Variants in UBXN11 observed in about 807,000 individuals in gnomAD.
The protein encoded by UBXN11 is UBX domain protein 11, also known as UBX domain-containing protein 11.
A neutral mutation model predicts 62.8 loss-of-function variants in UBXN11; 47 were observed. The observed-to-expected ratio is 0.75, with a 90% CI of 0.59 to 0.95. The LOEUF (loss-of-function observed/expected upper bound fraction) is 0.95, where lower values mean the gene tolerates loss of function less well. Among genes scored for constraint, UBXN11 ranks in the 40% least tolerant of loss-of-function variants. The pLI is 0.00. For missense variants in UBXN11, 638 were observed against 661.7 expected (o/e 0.96, Z 0.39); for synonymous variants, 294 against 267.0 (o/e 1.10, Z -0.99).
chr1:26,313,782 C>CTTTTTTTTTTT (rs56037016), intron 1 of UBXN11, among the ~76,000 whole-genome samples: 1 of 125,904 alleles, frequency 7.9e-6, no homozygotes. Context: ...AATTTTTTTT[C>CTTTTTTTTTTT]TTTTTTTTTT....
Position 26,282,482 on chromosome 1 carries a change from G to C in UBXN11, c.1380C>G (p.Gly460=), listed in dbSNP as rs370381934. The change falls in exon 15 of 15, where the codon GGC becomes GGG. Residue 460 remains glycine (G), a synonymous_variant. Transcript: ENST00000374222. ...GCAGCAGTGCTGCTTTGGGCACAAG[G>C]CCTGCAGCCTGCAGCGTGAGTGTAT... The part of the protein sequence containing the change: ...QDDTLTLQAA[G]LVPKAALLLR... 1.2e-4 allele frequency: 192 copies of C among 1,607,174 alleles called. No homozygotes were observed. The highest frequency in any genetic ancestry group is 3.9e-4 in the Admixed American group (23 of 58,814).
upstream of UBXN11, chr1:26,306,832 G>GGGGGGGGGGGGGGGGT (rs2073680664): frequency 1.2e-5 from 1 of 84,568 alleles, no homozygotes; most frequent in Non-Finnish European, 2.7e-5. Flanking sequence ...GGCGGGGTGG[G>GGGGGGGGGGGGGGGGT]GGGGGGGGGT....
chr1:26,309,521 A>AG (rs2073718685), upstream of UBXN11, among the ~76,000 whole-genome samples: 1 of 152,176 alleles, frequency 6.6e-6, no homozygotes, highest in African/African-American at 2.4e-5. Flanking sequence ...TACAGGTGTG[A>AG]GCCACCGTGC....
intron 1 of UBXN11, among the ~76,000 whole-genome samples, chr1:26,314,634 A>C (rs1382981163): frequency 6.6e-6 from 1 of 151,786 alleles, no homozygotes; most frequent in Non-Finnish European, 1.5e-5. Context: ...GAATACACGC[A>C]CTCATTCTTC....
At chr1:26,284,121 G>C in intron 12 of UBXN11, 21 bp downstream of exon 12, 1 of 1,580,212 alleles carries the variant, frequency 6.3e-7, no homozygotes, top group Non-Finnish European at 8.6e-7. Context: ...GGAGGGCTGG[G>C]GGAGTTAGCA....
chr1:26,317,224 T>TA lies in UBXN11; in HGVS notation c.-149+822dup, dbSNP rs927169523. Among the ~76,000 whole-genome samples the TA allele has an allele frequency of 2.1e-3, 305 of 144,322 alleles. 2 individuals are homozygous for TA. Among genetic ancestry groups the TA allele is most frequent in the Middle Eastern group, 0.017 (5 of 290 alleles). 94.7% of individuals were successfully genotyped at this position (144,322 alleles called of 152,430 possible). On this transcript the variant is annotated intron_variant, in intron 1 of 14. Coordinates refer to the UBXN11 transcript ENST00000374217. ...CCAGTGCACAGAGCAAAACTCTGTTTAAAAAAAAAAACAAAAAAACCAACA... is the reference window on the plus strand; with the variant it reads ...CCAGTGCACAGAGCAAAACTCTGTTTAAAAAAAAAAAACAAAAAAACCAACA...
intron 1 of UBXN11, among the ~76,000 whole-genome samples, chr1:26,315,856 C>T (rs1163499705): frequency 6.6e-6 from 1 of 152,040 alleles, no homozygotes; most frequent in African/African-American, 2.4e-5. Flanking sequence ...GACAGGGTTT[C>T]ACCATGTTGG....
At chr1:26,307,647 T>C (rs778914945), upstream of UBXN11, among the ~76,000 whole-genome samples, 13 of 144,924 alleles carry the variant, frequency 9.0e-5, no homozygotes, top group Non-Finnish European at 1.7e-4. Flanking sequence ...TTTTTTTTAA[T>C]TTTCCGTTTG....
chr1:26,316,480 G>T (rs2073796462), intron 1 of UBXN11, among the ~76,000 whole-genome samples: 1 of 151,716 alleles, frequency 6.6e-6, no homozygotes, highest in South Asian at 2.1e-4. Context: ...GGGGGAGTTT[G>T]TGTAGGGGAG....
chr1:26,291,895 A>G (rs1001369688), intron 8 of UBXN11, among the ~76,000 whole-genome samples: 6 of 152,224 alleles, frequency 3.9e-5, no homozygotes, highest in African/African-American at 1.4e-4. Flanking sequence ...GGGACTGCAC[A>G]GCCCCCAGCT....
In UBXN11 at chr1:26,302,856, T is replaced by C; in HGVS notation, c.28A>G (p.Lys10Glu). The change falls in exon 2 of 15, where the codon AAG becomes GAG. Residue 10 changes from lysine to glutamate, a missense_variant. Lys to Glu is a moderately conservative substitution (Grantham distance 56, BLOSUM62 1). Coordinates refer to ENST00000374222, the MANE Select transcript of UBXN11 (RefSeq NM_001389556.1). ...GAGGGCAGGGGCACTTTTCGGGTCT[T>C]GCTAAGGGAGGCCAAAGGTGAGCTC... MSSPLASLS[K>E]TRKVPLPSEP... The C allele has an allele frequency of 6.2e-7, 1 of 1,613,956 alleles. No homozygotes were observed. The highest frequency in any genetic ancestry group is 2.2e-5 in the East Asian group (1 of 44,888).
rs1232934471 is a variant in UBXN11 at position 26,284,257 on chromosome 1, G to A, written c.974-12C>T. The A allele has an allele frequency of 6.2e-7, 1 of 1,608,472 alleles. No individual in the cohort carries two copies. Among genetic ancestry groups the A allele is most frequent in the South Asian group, 1.1e-5 (1 of 90,512 alleles). ...AGTCATCCTGGAGCCTACAGGCAGA[G>A]TTGGGAACCGGGGCCCAGGAAGGAC... On this transcript the variant is annotated splice_polypyrimidine_tract_variant and intron_variant, in intron 11 of 14. Coordinates refer to ENST00000374222, the MANE Select transcript of UBXN11 (RefSeq NM_001389556.1).
At chr1:26,308,800 A>G (rs1255292206), upstream of UBXN11, among the ~76,000 whole-genome samples, 1 of 152,262 alleles carries the variant, frequency 6.6e-6, no homozygotes, top group African/African-American at 2.4e-5. Context: ...GCATTTACCC[A>G]GGCACCAGGA....
chr1:26,302,007 C>A (rs1168268200), intron 2 of UBXN11, among the ~76,000 whole-genome samples: 1 of 152,196 alleles, frequency 6.6e-6, no homozygotes, highest in Non-Finnish European at 1.5e-5. Context: ...ATGAGCTCAG[C>A]CCCAGCTCTG....
At chr1:26,291,723 C>G (rs563423277) in intron 8 of UBXN11, among the ~76,000 whole-genome samples, 1 of 152,328 alleles carries the variant, frequency 6.6e-6, no homozygotes, top group East Asian at 1.9e-4. Flanking sequence ...CTCAGAGCAC[C>G]TGCAGCCACC....
In UBXN11 at chr1:26,285,933, G is replaced by A. The variant is rs1331321497; in HGVS notation, c.664C>T (p.Pro222Ser). 6.2e-7 allele frequency: 1 copy of A among 1,613,632 alleles called. No homozygotes were observed. Among genetic ancestry groups the A allele is most frequent in the East Asian group, 2.2e-5 (1 of 44,868 alleles). The change falls in exon 9 of 15, where the codon CCC becomes TCC. Residue 222 changes from proline to serine, a missense_variant. Physicochemically the swap from Pro to Ser is moderately conservative, Grantham distance 74 (BLOSUM62 -1). Transcript: ENST00000374222. ...VEGDTQVTPV[P>S]GGARLRTLEP... Reference sequence around the variant, plus strand: ...AGGGTACGCAGCCGTGCCCCGCCGGGCACTGGTGTCACTTGGGTGTCACCC... The same window carrying A: ...AGGGTACGCAGCCGTGCCCCGCCGGACACTGGTGTCACTTGGGTGTCACCC...
Position 26,284,270 on chromosome 1 carries a change from G to A in UBXN11, c.974-25C>T, listed in dbSNP as rs7517466. 1.3e-5 allele frequency: 21 copies of A among 1,606,922 alleles called. No homozygotes were observed. The African/African-American group carries it at 2.5e-4, about 19-fold the overall frequency. On this transcript the variant is annotated intron_variant, in intron 11 of 14. Coordinates refer to ENST00000374222, the MANE Select transcript of UBXN11 (RefSeq NM_001389556.1). ...CCTACAGGCAGAGTTGGGAACCGGG[G>A]CCCAGGAAGGACTATGAGTGGTGGT...
chr1:26,295,505 A>G (rs1487992649), intron 7 of UBXN11, among the ~76,000 whole-genome samples: 1 of 152,076 alleles, frequency 6.6e-6, no homozygotes, highest in African/African-American at 2.4e-5. Flanking sequence ...GGCGGCTCCA[A>G]TGTGATAAGG....
Position 26,296,940 on chromosome 1 carries a change from C to T in UBXN11, c.411G>A (p.Gln137=), listed in dbSNP as rs1557686283. 2.5e-6 allele frequency: 4 copies of T among 1,607,518 alleles called. No individual in the cohort carries two copies. The highest frequency in any genetic ancestry group is 3.4e-6 in the Non-Finnish European group (4 of 1,176,962). Residue 137 remains glutamine, a synonymous_variant, in exon 7 of 15, where the codon CAG becomes CAA. Transcript: ENST00000374222. ...EELETMCVQL[Q]RQVREMERFL... is the part of the protein sequence containing the mutation. Reference sequence around the variant, plus strand: ...TCACCTCCATCTCCCTGACCTGCCGCTGCAGCTGCACACACATCGTCTCCA... The same window carrying T: ...TCACCTCCATCTCCCTGACCTGCCGTTGCAGCTGCACACACATCGTCTCCA...
Sources: gnomAD v4.1 joint callset for allele counts (sites outside exome capture counted in the v4.1 genomes callset) on GRCh38, gnomAD v4.1.1 for gene constraint, MANE v1.5 for transcripts, NCBI Gene and HGNC (gene_info 2026-07-23, HGNC 2026-07-21) for gene names.